Variants in DPP10 observed in about 807,000 individuals in gnomAD.
DPP10 encodes inactive dipeptidyl peptidase 10.
A neutral mutation model predicts 120.9 loss-of-function variants in DPP10; 33 were observed. The ratio of observed to expected loss-of-function variants is 0.27; its 90% confidence interval spans 0.21 to 0.37. The LOEUF (loss-of-function observed/expected upper bound fraction) is 0.37, where lower values mean the gene tolerates loss of function less well. Ranked by LOEUF, DPP10 falls within the 10% of genes least tolerant of loss-of-function variation. DPP10 has a pLI of 1.00. For synonymous variants in DPP10, 337 were observed against 326.1 expected (o/e 1.03, Z -0.36); for missense variants, 816 against 942.8 (o/e 0.87, Z 1.76).
chr2:115,745,234 C>T (rs918808362), intron 9 of DPP10, among the ~76,000 whole-genome samples: 1 of 117,056 alleles, frequency 8.5e-6, no homozygotes, highest in Non-Finnish European at 2.0e-5. Flanking sequence ...AGGTATTTCA[C>T]GTTGCACTGT....
At chr2:115,016,192 A>G (rs1053354652) in intron 1 of DPP10, among the ~76,000 whole-genome samples, 6 of 152,196 alleles carry the variant, frequency 3.9e-5, no homozygotes, top group Non-Finnish European at 8.8e-5. Context: ...GGCCTCAGAA[A>G]TAATGCCACA....
At chr2:115,059,794 A>G (rs1232048311) in intron 1 of DPP10, among the ~76,000 whole-genome samples, 2 of 151,852 alleles carry the variant, frequency 1.3e-5, no homozygotes, top group African/African-American at 2.4e-5. Flanking sequence ...TAGACAAAGC[A>G]AGCTGCGGTT....
At chr2:115,064,301 A>C (rs888565003) in intron 1 of DPP10, among the ~76,000 whole-genome samples, 3 of 152,162 alleles carry the variant, frequency 2.0e-5, no homozygotes, top group African/African-American at 7.2e-5. Flanking sequence ...GCTCCATTAG[A>C]GTGTGATCCC....
In DPP10 at chr2:115,810,817, A is replaced by G. The variant is rs1001461532; in HGVS notation, c.1701-3976A>G. On this transcript the variant is annotated intron_variant, in intron 19 of 25. Coordinates refer to ENST00000410059, the MANE Select transcript of DPP10 (RefSeq NM_020868.6). ...CCCCAAAGATTTCTGAGACAGAGAT[A>G]AAAAAGCAAAATTGTGTAGAAGGCA... 7.8e-4 allele frequency among the ~76,000 whole-genome samples: 119 copies of G among 152,354 alleles called. 1 individual carries two copies. The highest frequency in any genetic ancestry group is 1.2e-3 in the Non-Finnish European group (84 of 68,026).
intron 1 of DPP10, among the ~76,000 whole-genome samples, chr2:114,543,750 T>G (rs1481378708): frequency 6.7e-6 from 1 of 149,594 alleles, no homozygotes; most frequent in East Asian, 2.0e-4. Flanking sequence ...CCTGAACTCT[T>G]TTTTTTTTTT....
intron 1 of DPP10, among the ~76,000 whole-genome samples, chr2:115,067,566 T>C (rs1244979697): frequency 7.1e-6 from 1 of 141,192 alleles, no homozygotes; most frequent in African/African-American, 2.5e-5. Flanking sequence ...TTTCCTCTTT[T>C]TAAAAAAAGA....
At chr2:114,474,399 C>A (rs185462975) in intron 1 of DPP10, among the ~76,000 whole-genome samples, 1 of 152,340 alleles carries the variant, frequency 6.6e-6, no homozygotes, top group South Asian at 2.1e-4. Flanking sequence ...ACCACACTGG[C>A]CCTTCTTCTT....
chr2:115,483,437 G>GTCTATCTATCTA (rs1239559179), intron 3 of DPP10, among the ~76,000 whole-genome samples: 24 of 145,776 alleles, frequency 1.6e-4, no homozygotes, highest in African/African-American at 5.4e-4. Flanking sequence ...CTATCTGTCT[G>GTCTATCTATCTA]TCTATCTATC....
At chr2:114,739,604 A>G (rs1453600895) in intron 1 of DPP10, among the ~76,000 whole-genome samples, 1 of 152,170 alleles carries the variant, frequency 6.6e-6, no homozygotes, top group East Asian at 1.9e-4. Flanking sequence ...GGTTGCAGTG[A>G]GCCAAGACTG....
At chr2:115,395,641 A>G (rs2067629035) in intron 3 of DPP10, among the ~76,000 whole-genome samples, 1 of 152,058 alleles carries the variant, frequency 6.6e-6, no homozygotes, top group South Asian at 2.1e-4. Flanking sequence ...TCTAACTCCT[A>G]CTTTGCACTG....
At chr2:115,776,743 AT>A (rs1439949989) in intron 13 of DPP10, among the ~76,000 whole-genome samples, 2 of 152,142 alleles carry the variant, frequency 1.3e-5, no homozygotes, top group South Asian at 4.1e-4. Context: ...ATCAACATGA[AT>A]TCATCTCTGA....
intron 1 of DPP10, among the ~76,000 whole-genome samples, chr2:114,514,134 G>A (rs1050535896): frequency 1.5e-4 from 23 of 152,156 alleles, no homozygotes; most frequent in Admixed American, 1.1e-3. Context: ...ATCATAATGT[G>A]AAAAGAATCT....
At chr2:114,771,541 G>T (rs757027435) in intron 1 of DPP10, among the ~76,000 whole-genome samples, 1 of 152,160 alleles carries the variant, frequency 6.6e-6, no homozygotes, top group African/African-American at 2.4e-5. Flanking sequence ...GAGCACAAAC[G>T]ATCTTGTGAA....
At chr2:115,653,223 G>A (rs1049066799) in intron 5 of DPP10, among the ~76,000 whole-genome samples, 2 of 151,786 alleles carry the variant, frequency 1.3e-5, no homozygotes, top group African/African-American at 2.4e-5. Context: ...AAGTAAAGCC[G>A]GGGATATGAG....
chr2:115,242,931 A>G (rs1039640681), intron 1 of DPP10, among the ~76,000 whole-genome samples: 3 of 152,170 alleles, frequency 2.0e-5, no homozygotes, highest in Admixed American at 2.0e-4. Flanking sequence ...AAAAATTTAT[A>G]TTAGTATTGC....
intron 3 of DPP10, among the ~76,000 whole-genome samples, chr2:115,439,629 G>A (rs1382461160): frequency 6.6e-6 from 1 of 152,132 alleles, no homozygotes; most frequent in Non-Finnish European, 1.5e-5. Flanking sequence ...AGGTTATTTG[G>A]AGCTGAAGAA....
At chr2:115,767,929 G>A (rs1055189049) in intron 12 of DPP10, among the ~76,000 whole-genome samples, 1 of 152,068 alleles carries the variant, frequency 6.6e-6, no homozygotes, top group Non-Finnish European at 1.5e-5. Flanking sequence ...ATAAACTGAT[G>A]CAGATGTTTG....
At chr2:115,537,309 C>T (rs2078908861) in intron 5 of DPP10, among the ~76,000 whole-genome samples, 1 of 151,942 alleles carries the variant, frequency 6.6e-6, no homozygotes, top group Non-Finnish European at 1.5e-5. Context: ...ATAAAGCAAC[C>T]TATTTCCTTA....
rs192875564 is a variant in DPP10 at position 115,448,215 on chromosome 2, C to G, written c.272-51295C>G. On this transcript the variant is annotated intron_variant, in intron 3 of 25. Transcript: ENST00000410059. ...CTATTCCAGGGAAAACATACACACA[C>G]TGGAAAATGGAGATCTCCCTTAGAG... Among the ~76,000 whole-genome samples the G allele has an allele frequency of 1.4e-4, 22 of 152,204 alleles. No individual in the cohort carries two copies. The East Asian group carries it at 4.3e-3, about 29-fold the overall frequency.
Sources: allele counts gnomAD v4.1 joint callset (sites outside exome capture counted in the v4.1 genomes callset), GRCh38; gene constraint gnomAD v4.1.1; transcripts MANE v1.5; gene names NCBI Gene and HGNC (gene_info 2026-07-23, HGNC 2026-07-21).